The following ADARB2 variants were observed in gnomAD, a reference collection of about 807,000 sequenced individuals.
ADARB2 encodes the protein inactive double-stranded RNA-specific editase B2.
A neutral mutation model predicts 62.2 loss-of-function variants in ADARB2; 25 were observed. The observed-to-expected ratio is 0.40, with a 90% CI of 0.29 to 0.56. The LOEUF is 0.56. Ranked by LOEUF, ADARB2 falls within the 20% of genes least tolerant of loss-of-function variation. The probability of loss-of-function intolerance (pLI) is 0.43; values close to 1 mark genes in which losing one functional copy is unlikely to be tolerated. For missense variants in ADARB2, 1,071 were observed against 1,077.4 expected (o/e 0.99, Z 0.08); for synonymous variants, 572 against 500.8 (o/e 1.14, Z -1.90).
intron 1 of ADARB2, among the ~76,000 whole-genome samples, chr10:1,637,502 T>C (rs892704627): frequency 2.6e-5 from 4 of 152,234 alleles, no homozygotes; most frequent in Non-Finnish European, 5.9e-5. Flanking sequence ...TTACCCTCAA[T>C]GCAGAATTTC....
chr10:1,586,535 C>T (rs978217350), intron 1 of ADARB2, among the ~76,000 whole-genome samples: 6 of 152,228 alleles, frequency 3.9e-5, no homozygotes. Context: ...AGGTCAGGAT[C>T]TCACTTTCCT....
At chr10:1,510,145 T>C (rs1265941381) in intron 1 of ADARB2, among the ~76,000 whole-genome samples, 2 of 146,590 alleles carry the variant, frequency 1.4e-5, no homozygotes, top group African/African-American at 2.6e-5. Flanking sequence ...TCTTTCTTTC[T>C]TTCTTTCTTT....
intron 1 of ADARB2, among the ~76,000 whole-genome samples, chr10:1,693,297 T>G (rs1339113141): frequency 6.6e-6 from 1 of 152,152 alleles, no homozygotes; most frequent in African/African-American, 2.4e-5. Context: ...TTAGGGCTTG[T>G]CAAGGCCGCC....
In ADARB2 at chr10:1,178,827, G is replaced by A. The variant is rs910157210; in HGVS notation, c.*4366C>T. The A allele has an allele frequency of 7.9e-5, 12 of 152,258 alleles. No individual in the cohort carries two copies. Among genetic ancestry groups the A allele is most frequent in the South Asian group, 2.1e-4 (1 of 4,818 alleles). 9.4% of individuals were successfully genotyped at this position (152,258 alleles called of 1,614,324 possible). A position where few individuals can be genotyped will look rare whatever the true frequency, so the allele number is the denominator to read the frequency against. On this transcript the variant is annotated 3_prime_UTR_variant, in exon 10 of 10. Coordinates refer to ENST00000381312, the MANE Select transcript of ADARB2 (RefSeq NM_018702.4). ...GGACTCTGCAGCCTCCCTGAGGGCC[G>A]CGGGAAGCCCACAGAGCCTCACCGG...
rs1205523557 is a variant in ADARB2, at chr10:1,415,872, C to T, written c.101-36712G>A. ...TTTATTGCCCCTAAAGCAGTAGTGTCTCTCTTCTCTGAGCATTGATGGAAC... is the reference window on the plus strand; with the variant it reads ...TTTATTGCCCCTAAAGCAGTAGTGTTTCTCTTCTCTGAGCATTGATGGAAC... On this transcript the variant is annotated intron_variant, in intron 1 of 9. Transcript: ENST00000381312. 2.0e-5 allele frequency among the ~76,000 whole-genome samples: 3 copies of T among 152,320 alleles called. No individual in the cohort carries two copies. In the East Asian group the frequency reaches 5.8e-4, roughly 29 times the overall value.
intron 1 of ADARB2, among the ~76,000 whole-genome samples, chr10:1,496,198 A>G (rs987819097): frequency 1.3e-5 from 2 of 151,352 alleles, no homozygotes; most frequent in South Asian, 2.1e-4. Flanking sequence ...TCATCACCAT[A>G]ATAAGTATCA....
intron 1 of ADARB2, among the ~76,000 whole-genome samples, chr10:1,690,618 G>A (rs955951214): frequency 3.3e-5 from 5 of 152,122 alleles, no homozygotes; most frequent in Non-Finnish European, 5.9e-5. Context: ...GGAGGGAAAG[G>A]AAGGCAGCCC....
At chr10:1,524,415 G>T (rs1352747783) in intron 1 of ADARB2, among the ~76,000 whole-genome samples, 1 of 152,168 alleles carries the variant, frequency 6.6e-6, no homozygotes, top group African/African-American at 2.4e-5. Context: ...TCCACCAGCA[G>T]GCATCCATGT....
chr10:1,334,758 G>A (rs1386408700), intron 3 of ADARB2, among the ~76,000 whole-genome samples: 1 of 152,118 alleles, frequency 6.6e-6, no homozygotes. Flanking sequence ...TTTAAAGGGT[G>A]TGTAACGTCT....
chr10:1,279,887 C>T (rs1831355259), intron 3 of ADARB2, among the ~76,000 whole-genome samples: 1 of 152,140 alleles, frequency 6.6e-6, no homozygotes. Context: ...CACCCCGAGT[C>T]CCACCCATTC....
chr10:1,370,790 T>A (rs898758527), intron 2 of ADARB2, among the ~76,000 whole-genome samples: 2 of 152,182 alleles, frequency 1.3e-5, no homozygotes, highest in South Asian at 4.1e-4. Flanking sequence ...AAAACACTGA[T>A]GAAAGAAATT....
intron 1 of ADARB2, among the ~76,000 whole-genome samples, chr10:1,406,818 C>T (rs1289054698): frequency 3.3e-5 from 5 of 152,194 alleles, no homozygotes; most frequent in Non-Finnish European, 5.9e-5. Flanking sequence ...GATTCCTGCA[C>T]GTCCCAGGAC....
chr10:1,307,966 A>C (rs896686816), intron 3 of ADARB2, among the ~76,000 whole-genome samples: 1 of 143,320 alleles, frequency 7.0e-6, no homozygotes, highest in African/African-American at 2.6e-5. Context: ...GCATTGGGAG[A>C]TATACCTAAT....
intron 1 of ADARB2, among the ~76,000 whole-genome samples, chr10:1,425,615 G>A (rs1391966269): frequency 6.6e-6 from 1 of 152,240 alleles, no homozygotes; most frequent in Non-Finnish European, 1.5e-5. Context: ...CTTAGATCTT[G>A]TAGAAGATGG....
intron 1 of ADARB2, among the ~76,000 whole-genome samples, chr10:1,636,594 C>T (rs957900869): frequency 6.6e-6 from 1 of 151,978 alleles, no homozygotes; most frequent in Admixed American, 6.6e-5. Flanking sequence ...TACCACAGTT[C>T]ATGCCACCAG....
intron 1 of ADARB2, among the ~76,000 whole-genome samples, chr10:1,647,446 T>C (rs1357766637): frequency 6.6e-6 from 1 of 152,248 alleles, no homozygotes; most frequent in Non-Finnish European, 1.5e-5. Flanking sequence ...TACCTGTGTA[T>C]ATACATTTAA....
chr10:1,476,144 GA>G (rs889214955), intron 1 of ADARB2, among the ~76,000 whole-genome samples: 8 of 151,914 alleles, frequency 5.3e-5, no homozygotes, highest in Non-Finnish European at 1.2e-4. Flanking sequence ...GAGAAGGAGA[GA>G]AAAAAGGAAG....
chr10:1,404,219 T>C (rs1382278500), intron 1 of ADARB2, among the ~76,000 whole-genome samples: 1 of 137,646 alleles, frequency 7.3e-6, no homozygotes, highest in Non-Finnish European at 1.6e-5. Context: ...CAGGAGAAGC[T>C]GCTGCCAGGA....
At chr10:1,388,566 T>C (rs2387667) in intron 1 of ADARB2, among the ~76,000 whole-genome samples, 58,653 of 151,972 alleles carry the variant, frequency 0.39, 11,933 homozygotes, top group Middle Eastern at 0.47. Context: ...CATGCTTCTA[T>C]GTACCAGTAA....
Sources: allele counts gnomAD v4.1 joint callset (sites outside exome capture counted in the v4.1 genomes callset), GRCh38; gene constraint gnomAD v4.1.1; transcripts MANE v1.5; gene names NCBI Gene and HGNC (gene_info 2026-07-23, HGNC 2026-07-21).